Variants in LAMA1 observed in about 807,000 individuals in gnomAD.
The protein encoded by LAMA1 is laminin subunit alpha 1.
LAMA1 carries 219 observed loss-of-function variants against 348.7 expected under a neutral mutation model. The ratio of observed to expected loss-of-function variants is 0.63; its 90% CI spans 0.56 to 0.70. The LOEUF (loss-of-function observed/expected upper bound fraction) is 0.70. Ranked by LOEUF, LAMA1 falls within the 30% of genes least tolerant of loss-of-function variation. The pLI is 0.00. For synonymous variants in LAMA1, 1,487 were observed against 1,491.0 expected (o/e 1.00, Z 0.06); for missense variants, 3,744 against 3,888.0 (o/e 0.96, Z 0.99).
intron 19 of LAMA1, among the ~76,000 whole-genome samples, chr18:7,018,875 C>T (rs1440538982): frequency 1.3e-5 from 2 of 152,130 alleles, no homozygotes; most frequent in East Asian, 1.9e-4. Context: ...GCAGAGGAAA[C>T]GTGCTGGGAT....
rs115936107 is a variant in LAMA1 at position 6,986,080 on chromosome 18, C to T, written c.5379+57G>A. ...GCCAGGGCTCACTTTTAATTGCTTA[C>T]GTTGGAGTATTTTGTTACCTGTTCT... On this transcript the variant is annotated intron_variant, in intron 37 of 62. Coordinates refer to ENST00000389658, the MANE Select transcript of LAMA1 (RefSeq NM_005559.4). 736 of 1,589,498 alleles carry T rather than the reference C, an allele frequency of 4.6e-4. 6 individuals are homozygous for T. In the African/African-American group the frequency reaches 8.7e-3, roughly 19 times the overall value.
chr18:7,048,971 A>G (rs2058052248), intron 5 of LAMA1, 107 bp downstream of exon 5: 2 of 1,097,562 alleles, frequency 1.8e-6, no homozygotes, highest in Admixed American at 2.1e-5. Flanking sequence ...AAAAAGGCCA[A>G]CATGTCGGGG....
intron 29 of LAMA1, among the ~76,000 whole-genome samples, chr18:7,006,235 G>T (rs1460296859): frequency 6.6e-6 from 1 of 152,028 alleles, no homozygotes; most frequent in African/African-American, 2.4e-5. Flanking sequence ...CTTCTGTCTG[G>T]GCCGCTTAGT....
chr18:6,984,061 T>G (rs1389348963), intron 39 of LAMA1, among the ~76,000 whole-genome samples: 1 of 152,164 alleles, frequency 6.6e-6, no homozygotes, highest in Non-Finnish European at 1.5e-5. Context: ...AAGATTTTGT[T>G]TTAGCTAGGT....
chr18:6,966,246 GAC>G lies in LAMA1; in HGVS notation c.6949_6950del (p.Val2317ArgfsTer17). ...CGGTAGCCGGAAGTGACTTCTCCAC[GAC>G]AGAGTACCCACTCCCGTCAAAATGG... is the stretch of plus-strand genomic sequence containing the variant. ...SFHFDGSGYS[V>X]VEKSLPATVT... On this transcript the variant is annotated frameshift_variant, in exon 49 of 63. Coordinates refer to ENST00000389658, the MANE Select transcript of LAMA1 (RefSeq NM_005559.4). LOFTEE classifies it high-confidence loss of function. 1 of 1,613,876 alleles carries G rather than the reference GAC, an allele frequency of 6.2e-7. No individual in the cohort carries two copies. Among genetic ancestry groups the G allele is most frequent in the Non-Finnish European group, 8.5e-7 (1 of 1,179,924 alleles).
At chr18:7,100,731 C>T (rs1356755575) in intron 1 of LAMA1, among the ~76,000 whole-genome samples, 1 of 152,082 alleles carries the variant, frequency 6.6e-6, no homozygotes, top group Non-Finnish European at 1.5e-5. Flanking sequence ...CCATTTTGGT[C>T]AGGTGAGGTG....
chr18:7,105,567 A>C (rs1310439217), intron 1 of LAMA1, among the ~76,000 whole-genome samples: 1 of 152,218 alleles, frequency 6.6e-6, no homozygotes, highest in Non-Finnish European at 1.5e-5. Flanking sequence ...GTGCAAGAGG[A>C]GATCAGCAGG....
In LAMA1 at chr18:7,007,250, C is replaced by G; in HGVS notation, c.4149G>C (p.Gly1383=). The G allele has an allele frequency of 1.2e-6, 2 of 1,614,078 alleles. No individual in the cohort carries two copies. The highest frequency in any genetic ancestry group is 1.7e-6 in the Non-Finnish European group (2 of 1,180,012). ...CCCTGTCACTCCCTGCTGGGAGCTT[C>G]CCTCTGTGGTACCCAGGGGCGCAGT... ...CQDCAPGYHR[G]KLPAGSDRGP... is the part of the protein sequence containing the mutation. The change falls in exon 29 of 63, where the codon GGG becomes GGC. Residue 1383 remains glycine, a synonymous_variant. Coordinates refer to ENST00000389658, the MANE Select transcript of LAMA1 (RefSeq NM_005559.4).
rs11875257 is a variant in LAMA1 at position 6,956,394 on chromosome 18, T to C, written c.8094+242A>G. ...AGCTCTGCCAAAAGCATATTATACA[T>C]CAGCCCAATGCGCGGCCTGGGTGTT... On this transcript the variant is annotated intron_variant, in intron 56 of 62. Coordinates refer to ENST00000389658, the MANE Select transcript of LAMA1 (RefSeq NM_005559.4). The C allele has an allele frequency of 0.34, 230,034 of 667,416 alleles. 42,301 individuals carry two copies. The highest frequency in any genetic ancestry group is 0.39 in the Non-Finnish European group (143,849 of 364,190). The allele number at this position is 667,416 out of a possible 1,614,324, so 41.3% of individuals were successfully genotyped here.
intron 1 of LAMA1, among the ~76,000 whole-genome samples, chr18:7,108,206 T>G (rs144886863): frequency 0.12 from 16,937 of 146,866 alleles, 978 homozygotes; most frequent in East Asian, 0.21. Context: ...CATGGCGGTG[T>G]GTGCCTGTAG....
At chr18:6,973,302 C>A in intron 46 of LAMA1, 95 bp from the exon 47 acceptor site, 1 of 1,190,122 alleles carries the variant, frequency 8.4e-7, no homozygotes, top group South Asian at 1.3e-5. Context: ...CTGCTTCTCC[C>A]CAAGGGCCCT....
chr18:7,114,198 A>C (rs1424035469), intron 1 of LAMA1, among the ~76,000 whole-genome samples: 2 of 152,166 alleles, frequency 1.3e-5, no homozygotes, highest in African/African-American at 4.8e-5. Flanking sequence ...CAGGATGATG[A>C]GCAAGTACAA....
At chr18:7,036,123 G>A (rs2057993727) in intron 12 of LAMA1, 35 bp from the exon 13 acceptor site, 1 of 1,442,056 alleles carries the variant, frequency 6.9e-7, no homozygotes, top group Non-Finnish European at 9.8e-7. Context: ...CACGAAAGGG[G>A]AAGACAATCA....
In LAMA1 at chr18:6,976,057, GTCTGCAGACACGGCGACTTTAA is replaced by G; in HGVS notation, c.6347_6368del (p.Ile2116ThrfsTer20). 1.2e-6 allele frequency: 2 copies of G among 1,614,164 alleles called. No individual in the cohort carries two copies. Among genetic ancestry groups the G allele is most frequent in the Non-Finnish European group, 1.7e-6 (2 of 1,180,028 alleles). On this transcript the variant is annotated frameshift_variant and splice_region_variant, in exon 45 of 63. Coordinates refer to ENST00000389658, the MANE Select transcript of LAMA1 (RefSeq NM_005559.4). LOFTEE classifies it high-confidence loss of function. ...GCTGGTAGGCCCGGATGCAATCTCT[GTCTGCAGACACGGCGACTTTAA>G]TCTGTAGAAGGAAAATGAAAGTGTC...
chr18:7,007,695 C>A (rs560656893), intron 28 of LAMA1, among the ~76,000 whole-genome samples: 1 of 152,126 alleles, frequency 6.6e-6, no homozygotes, highest in South Asian at 2.1e-4. Flanking sequence ...ATGTTCATAG[C>A]GGCATTATTC....
chr18:7,093,870 G>A (rs779642005), intron 1 of LAMA1, among the ~76,000 whole-genome samples: 19 of 150,766 alleles, frequency 1.3e-4, no homozygotes, highest in Non-Finnish European at 2.2e-4. Flanking sequence ...CGCCTCCCGG[G>A]TTCAAGGGAT....
Position 7,010,349 on chromosome 18 carries a change from C to A in LAMA1, c.3724G>T (p.Ala1242Ser). ...AYGGKLKYSV[A>S]FYSLDGVGTS... The stretch of plus-strand genomic sequence containing the variant: ...CCGACGCCATCCAAAGAATAGAAGG[C>A]CACGCTGTACTTCAGTTTGCCACCA... Residue 1242 changes from alanine (A) to serine (S), a missense_variant, in exon 26 of 63, where the codon GCC becomes TCC. Around this residue, in one of 3 missense-constraint regions of LAMA1, gnomAD observed 1,529 missense variants for 1,689.4 expected, o/e 0.91. Transcript: ENST00000389658. 6.2e-7 allele frequency: 1 copy of A among 1,614,122 alleles called. No individual in the cohort carries two copies. Among genetic ancestry groups the A allele is most frequent in the Non-Finnish European group, 8.5e-7 (1 of 1,180,032 alleles).
chr18:7,063,263 T>G (rs571112361), intron 3 of LAMA1, among the ~76,000 whole-genome samples: 1 of 152,322 alleles, frequency 6.6e-6, no homozygotes, highest in South Asian at 2.1e-4. Context: ...TCCTTTTTCT[T>G]TAGACACATC....
intron 62 of LAMA1, among the ~76,000 whole-genome samples, chr18:6,942,603 AG>A (rs2057504040): frequency 6.6e-6 from 1 of 151,908 alleles, no homozygotes; most frequent in Non-Finnish European, 1.5e-5. Context: ...TAGTAGAGAG[AG>A]GGTTTCACCA....
Sources: gnomAD v4.1 joint callset for allele counts (sites outside exome capture counted in the v4.1 genomes callset) on GRCh38, gnomAD v4.1.1 for gene constraint, gnomAD v4.1.1 regional missense constraint, MANE v1.5 for transcripts, NCBI Gene and HGNC (gene_info 2026-07-23, HGNC 2026-07-21) for gene names.